The following ELP6 variants were observed in gnomAD, a reference collection of about 807,000 sequenced individuals.
ELP6 encodes elongator complex protein 6.
In ELP6, 23 loss-of-function variants were observed where a neutral mutation model predicts 28.1. The ratio of observed to expected loss-of-function variants is 0.82; its 90% CI spans 0.59 to 1.16. The LOEUF is 1.16. Among genes scored for constraint, ELP6 ranks in the 50% most tolerant of loss-of-function variants. ELP6 has a pLI of 0.00. For synonymous variants in ELP6, 132 were observed against 135.8 expected (o/e 0.97, Z 0.19); for missense variants, 313 against 334.6 (o/e 0.94, Z 0.50).
At chr3:47,498,204 C>CAACCAG in intron 6 of ELP6, 82 bp downstream of exon 6, 1 of 1,556,262 alleles carries the variant, frequency 6.4e-7, no homozygotes, top group Non-Finnish European at 8.7e-7. Context: ...CAGACAGTCC[C>CAACCAG]TCAGGCCTGA....
intron 3 of ELP6, among the ~76,000 whole-genome samples, chr3:47,508,447 G>T (rs1054294652): frequency 6.6e-6 from 1 of 152,060 alleles, no homozygotes. Flanking sequence ...CGCCCCATGA[G>T]TGAGATGATC....
chr3:47,496,032 A>C lies in ELP6; in HGVS notation c.*37T>G. ...TGTTGCTCTATCTTCCACGTCCAAA[A>C]ACAGTCCTATGTAGCTTCAGCTGCT... is the stretch of plus-strand genomic sequence containing the variant. On this transcript the variant is annotated 3_prime_UTR_variant, in exon 7 of 7. Transcript: ENST00000296149. 1 of 1,613,124 alleles carries C rather than the reference A, an allele frequency of 6.2e-7. No homozygotes were observed. The highest frequency in any genetic ancestry group is 8.5e-7 in the Non-Finnish European group (1 of 1,179,676).
chr3:47,502,430 AAAAAAAAAAG>A, intron 4 of ELP6: 1 of 980,450 alleles, frequency 1.0e-6, no homozygotes, highest in Non-Finnish European at 1.2e-6. Context: ...AAAAAAAAAA[AAAAAAAAAAG>A]AGACACCATA....
At chr3:47,498,248 C>T (rs368490764) in intron 6 of ELP6, 38 bp downstream of exon 6, 53 of 1,609,398 alleles carry the variant, frequency 3.3e-5, no homozygotes, top group East Asian at 1.6e-4. Flanking sequence ...CACAGGTACA[C>T]GGGCAAGAAG....
intron 5 of ELP6, among the ~76,000 whole-genome samples, chr3:47,498,940 G>C (rs1232425838): frequency 6.6e-6 from 1 of 152,244 alleles, no homozygotes; most frequent in Non-Finnish European, 1.5e-5. Flanking sequence ...CGGAGGAGCA[G>C]GTCAGGAGGT....
intron 3 of ELP6, among the ~76,000 whole-genome samples, chr3:47,506,667 C>T (rs1487240900): frequency 1.0e-3 from 149 of 145,406 alleles, no homozygotes; most frequent in African/African-American, 2.5e-3. Flanking sequence ...TGCTGTTATC[C>T]TGTTCTTTTT....
chr3:47,496,430 A>AGAGGAAAAAAAAAGGAAACAG, intron 6 of ELP6: 5 of 985,264 alleles, frequency 5.1e-6, no homozygotes, highest in Non-Finnish European at 6.0e-6. Context: ...AAAATGTGAA[A>AGAGGAAAAAAAAAGGAAACAG]GAGGAAAAAA....
chr3:47,495,986 G>T lies in ELP6; in HGVS notation c.*83C>A. ...TCCAGCCTGAAATATTACTACAGAG[G>T]AGAAAGACCCATTCTTGCTATGTTG... On this transcript the variant is annotated 3_prime_UTR_variant, in exon 7 of 7. Transcript: ENST00000296149. 6.2e-7 allele frequency: 1 copy of T among 1,604,912 alleles called. No individual in the cohort carries two copies.
At chr3:47,505,302 C>A (rs1708796373) in intron 3 of ELP6, among the ~76,000 whole-genome samples, 1 of 151,896 alleles carries the variant, frequency 6.6e-6, no homozygotes, top group Non-Finnish European at 1.5e-5. Context: ...ACAAAAAAAC[C>A]CCCACAAAAA....
At chr3:47,504,992 C>G (rs562477119) in intron 3 of ELP6, among the ~76,000 whole-genome samples, 3 of 152,178 alleles carry the variant, frequency 2.0e-5, no homozygotes, top group African/African-American at 7.2e-5. Context: ...CTAGGCCAGG[C>G]TTGGTGGCTC....
At chr3:47,496,640 G>T in intron 6 of ELP6, 1 of 602,892 alleles carries the variant, frequency 1.7e-6, no homozygotes, top group Non-Finnish European at 2.1e-6. Flanking sequence ...GATTATGGGT[G>T]CGCATCACCA....
chr3:47,507,397 G>A (rs565109171), intron 3 of ELP6, among the ~76,000 whole-genome samples: 1 of 150,516 alleles, frequency 6.6e-6, no homozygotes, highest in African/African-American at 2.4e-5. Flanking sequence ...AGACCCCTGG[G>A]TCTAATTCCA....
chr3:47,511,459 T>C, intron 1 of ELP6: 3 of 1,338,460 alleles, frequency 2.2e-6, no homozygotes, highest in Non-Finnish European at 2.9e-6. Context: ...TATCTCAGCC[T>C]CCACCTCCTC....
At chr3:47,502,361 G>T in intron 4 of ELP6, 1 of 953,608 alleles carries the variant, frequency 1.0e-6, no homozygotes, top group Non-Finnish European at 1.2e-6. Context: ...AGTGAGCCAC[G>T]ACTGAGATCA....
chr3:47,500,236 C>A (rs748155106), intron 5 of ELP6: 226 of 1,071,132 alleles, frequency 2.1e-4, no homozygotes, highest in Non-Finnish European at 2.5e-4. Flanking sequence ...AAAGAAGTAG[C>A]GAACAGTGTG....
intron 6 of ELP6, 36 bp from the exon 7 acceptor site, chr3:47,496,233 AC>A: frequency 6.2e-7 from 1 of 1,605,878 alleles, no homozygotes; most frequent in Non-Finnish European, 8.5e-7. Flanking sequence ...AGGAGCAGCC[AC>A]CCCAGGACCT....
At chr3:47,509,875 C>A (rs772705463) in intron 3 of ELP6, 2 of 185,914 alleles carry the variant, frequency 1.1e-5, no homozygotes, top group Non-Finnish European at 2.2e-5. Flanking sequence ...GATTTTCCTG[C>A]CTCAGCCTCC....
intron 3 of ELP6, among the ~76,000 whole-genome samples, chr3:47,508,226 AT>A (rs1416987809): frequency 6.6e-6 from 1 of 152,110 alleles, no homozygotes; most frequent in Non-Finnish European, 1.5e-5. Flanking sequence ...ATTTTATTTT[AT>A]TTTTTATTTT....
chr3:47,502,163 C>G (rs772232515), intron 4 of ELP6, among the ~76,000 whole-genome samples: 4 of 152,094 alleles, frequency 2.6e-5, no homozygotes, highest in African/African-American at 4.8e-5. Flanking sequence ...AATCCCAGCA[C>G]TTTGTGAGGC....
Sources: gnomAD v4.1 joint callset for allele counts (sites outside exome capture counted in the v4.1 genomes callset) on GRCh38, gnomAD v4.1.1 for gene constraint, MANE v1.5 for transcripts, NCBI Gene and HGNC (gene_info 2026-07-23, HGNC 2026-07-21) for gene names.